ATP11B: variants seen among roughly 807,000 people sequenced by gnomAD.
ATP11B encodes the protein ATPase phospholipid transporting 11B (putative), also known as phospholipid-transporting ATPase IF.
In ATP11B, 81 loss-of-function variants were observed where a neutral mutation model predicts 157.8. The ratio of observed to expected loss-of-function variants is 0.51; its 90% confidence interval spans 0.43 to 0.62. The LOEUF (loss-of-function observed/expected upper bound fraction) is 0.62, where lower values mean the gene tolerates loss of function less well. Among genes scored for constraint, ATP11B ranks in the 20% least tolerant of loss-of-function variants. ATP11B has a pLI of 0.00. For synonymous variants in ATP11B, 451 were observed against 469.4 expected (o/e 0.96, Z 0.51); for missense variants, 1,165 against 1,402.2 (o/e 0.83, Z 2.70).
At chr3:182,913,387 ATTG>A (rs1414740129) in intron 28 of ATP11B, among the ~76,000 whole-genome samples, 1 of 152,158 alleles carries the variant, frequency 6.6e-6, no homozygotes, top group African/African-American at 2.4e-5. Context: ...GTCCTGCCTG[ATTG>A]TTATTTCCCA....
intron 11 of ATP11B, among the ~76,000 whole-genome samples, chr3:182,858,243 G>A (rs1373479503): frequency 6.6e-6 from 1 of 152,154 alleles, no homozygotes; most frequent in African/African-American, 2.4e-5. Flanking sequence ...ATTCCCTGTG[G>A]CATGACTTGA....
At position 182,916,526 on chromosome 3, in the gene ATP11B, A is replaced by G. The variant is rs1010118842; in HGVS notation, c.3453-1497A>G. 5.3e-5 allele frequency: 52 copies of G among 985,378 alleles called. No individual in the cohort carries two copies. In the African/African-American group the frequency reaches 8.7e-4, roughly 17 times the overall value. The allele number at this position is 985,378 out of a possible 1,614,324, so 61.0% of individuals were successfully genotyped here. ...AAAGAGAGCATCATGGTGCTATATAAAGAATATGCCATGTTGCACCCTAAA... is the reference window on the plus strand; with the variant it reads ...AAAGAGAGCATCATGGTGCTATATAGAGAATATGCCATGTTGCACCCTAAA... On this transcript the variant is annotated intron_variant, in intron 29 of 29. Coordinates refer to ENST00000323116, the MANE Select transcript of ATP11B (RefSeq NM_014616.3).
chr3:182,845,352 TG>T, intron 8 of ATP11B, 105 bp from the exon 9 acceptor site: 1 of 926,880 alleles, frequency 1.1e-6, no homozygotes, highest in Non-Finnish European at 1.6e-6. Flanking sequence ...TATATGAAAG[TG>T]GTGTTATGGC....
At chr3:182,815,403 G>A (rs1188636677) in intron 1 of ATP11B, among the ~76,000 whole-genome samples, 1 of 152,110 alleles carries the variant, frequency 6.6e-6, no homozygotes, top group Non-Finnish European at 1.5e-5. Flanking sequence ...GAAAGTTTAT[G>A]TCTAGGAAAT....
chr3:182,825,633 G>T (rs1013573395), intron 2 of ATP11B, among the ~76,000 whole-genome samples: 12 of 151,438 alleles, frequency 7.9e-5, no homozygotes, highest in African/African-American at 2.9e-4. Context: ...TGAGGCAGGA[G>T]AATGGCATGA....
chr3:182,801,976 G>A (rs1397829290), intron 1 of ATP11B, among the ~76,000 whole-genome samples: 2 of 152,082 alleles, frequency 1.3e-5, no homozygotes, highest in African/African-American at 4.8e-5. Flanking sequence ...GTGGGGAGAA[G>A]AAATCAAAGA....
intron 28 of ATP11B, among the ~76,000 whole-genome samples, chr3:182,900,767 C>T (rs565772204): frequency 1.6e-4 from 24 of 152,092 alleles, no homozygotes; most frequent in African/African-American, 5.1e-4. Context: ...TTCTTGAGAC[C>T]GGGTGCAGTG....
intron 11 of ATP11B, among the ~76,000 whole-genome samples, 157 bp downstream of exon 11, chr3:182,858,185 C>T (rs1560092000): frequency 6.6e-6 from 1 of 152,150 alleles, no homozygotes; most frequent in Non-Finnish European, 1.5e-5. Flanking sequence ...GAGAAGCCAG[C>T]GTGTTTGTAC....
intron 28 of ATP11B, among the ~76,000 whole-genome samples, chr3:182,906,321 G>T (rs1163286593): frequency 6.6e-6 from 1 of 152,088 alleles, no homozygotes; most frequent in Non-Finnish European, 1.5e-5. Context: ...TCTTAATATA[G>T]TTGGATACTG....
At chr3:182,906,829 C>T (rs1048196196) in intron 28 of ATP11B, among the ~76,000 whole-genome samples, 1 of 151,122 alleles carries the variant, frequency 6.6e-6, no homozygotes, top group African/African-American at 2.4e-5. Flanking sequence ...TGGCTCACGC[C>T]TGTAATCCCA....
At chr3:182,809,497 C>T (rs1716524741) in intron 1 of ATP11B, among the ~76,000 whole-genome samples, 1 of 152,176 alleles carries the variant, frequency 6.6e-6, no homozygotes, top group Non-Finnish European at 1.5e-5. Flanking sequence ...GATCTGCCTG[C>T]CCTGGCTTCC....
At chr3:182,827,381 A>G (rs1436649228) in intron 2 of ATP11B, among the ~76,000 whole-genome samples, 3 of 152,148 alleles carry the variant, frequency 2.0e-5, no homozygotes, top group East Asian at 1.9e-4. Flanking sequence ...TAGGAACCCT[A>G]TAAGATATGA....
chr3:182,886,054 G>T (rs762274838), intron 23 of ATP11B, 44 bp downstream of exon 23: 18 of 1,274,390 alleles, frequency 1.4e-5, no homozygotes, highest in Non-Finnish European at 1.9e-5. Flanking sequence ...TCCTTTTAGA[G>T]TAACGTATGT....
chr3:182,864,769 T>C (rs1721101921), intron 12 of ATP11B, among the ~76,000 whole-genome samples: 1 of 152,146 alleles, frequency 6.6e-6, no homozygotes, highest in Admixed American at 6.5e-5. Context: ...CAGATTTTCA[T>C]GATGATCCTG....
chr3:182,880,411 C>T (rs531747686), intron 20 of ATP11B, among the ~76,000 whole-genome samples: 4 of 152,054 alleles, frequency 2.6e-5, no homozygotes, highest in Non-Finnish European at 5.9e-5. Flanking sequence ...TATAAAAGTA[C>T]ATTCAAGAAT....
At chr3:182,897,121 G>C (rs2108578198) in intron 26 of ATP11B, among the ~76,000 whole-genome samples, 182 bp from the exon 27 acceptor site, 1 of 152,054 alleles carries the variant, frequency 6.6e-6, no homozygotes, top group South Asian at 2.1e-4. Flanking sequence ...TTATAAACTT[G>C]AAATTATTTC....
chr3:182,881,446 G>A (rs1433025845), intron 21 of ATP11B, among the ~76,000 whole-genome samples: 1 of 151,092 alleles, frequency 6.6e-6, no homozygotes, highest in Non-Finnish European at 1.5e-5. Flanking sequence ...CGAGGCTGAG[G>A]CAGGAGAATT....
chr3:182,803,281 GT>G (rs1716124471), intron 1 of ATP11B, among the ~76,000 whole-genome samples: 1 of 152,118 alleles, frequency 6.6e-6, no homozygotes, highest in South Asian at 2.1e-4. Context: ...GTCTCATTTT[GT>G]TCTAATTTGC....
At chr3:182,823,270 C>G (rs1292593459) in intron 2 of ATP11B, among the ~76,000 whole-genome samples, 1 of 152,184 alleles carries the variant, frequency 6.6e-6, no homozygotes, top group Non-Finnish European at 1.5e-5. Flanking sequence ...AGTCTTTAAT[C>G]CATCTTGAAT....
Sources: allele counts gnomAD v4.1 joint callset (sites outside exome capture counted in the v4.1 genomes callset), GRCh38; gene constraint gnomAD v4.1.1; transcripts MANE v1.5; gene names NCBI Gene and HGNC (gene_info 2026-07-23, HGNC 2026-07-21).